The following SNX8 variants were observed in gnomAD, a reference collection of about 807,000 sequenced individuals.
SNX8 encodes the protein sorting nexin-8.
SNX8 carries 25 observed loss-of-function variants against 51.6 expected under a neutral mutation model. The observed-to-expected ratio is 0.48, with a 90% CI of 0.35 to 0.68. The LOEUF is 0.68. Among genes scored for constraint, SNX8 ranks in the 30% least tolerant of loss-of-function variants. The pLI is 0.00. For missense variants in SNX8, 695 were observed against 624.0 expected (o/e 1.11, Z -1.21); for synonymous variants, 324 against 277.0 (o/e 1.17, Z -1.68).
intron 1 of SNX8, among the ~76,000 whole-genome samples, chr7:2,346,737 C>CAAAAAAAAAAAA (rs143462126): frequency 1.1e-4 from 5 of 45,336 alleles, no homozygotes; most frequent in Non-Finnish European, 1.9e-4. Context: ...GACTCCGTCT[C>CAAAAAAAAAAAA]AAAAAAAAAA....
upstream of SNX8, among the ~76,000 whole-genome samples, chr7:2,317,277 TTTTTTTTTTTTTTTTTTTTG>T (rs1796772764): frequency 3.9e-5 from 4 of 101,314 alleles, no homozygotes; most frequent in African/African-American, 1.9e-4. Flanking sequence ...TTTTTTTTTT[TTTTTTTTTTTTTTTTTTTTG>T]AGACAGAGTC....
intron 1 of SNX8, among the ~76,000 whole-genome samples, chr7:2,312,389 C>T (rs1796675797): frequency 1.3e-5 from 2 of 152,188 alleles, no homozygotes; most frequent in South Asian, 4.1e-4. Flanking sequence ...GCATTCCGAT[C>T]CAATCACAGC....
At chr7:2,277,986 C>A in intron 2 of SNX8, 114 bp downstream of exon 2, 1 of 1,464,542 alleles carries the variant, frequency 6.8e-7, no homozygotes, top group Admixed American at 2.3e-5. Context: ...TGTAAGCCAG[C>A]CACACAGACT....
At chr7:2,345,867 G>C (rs1779013177) in intron 1 of SNX8, among the ~76,000 whole-genome samples, 1 of 151,988 alleles carries the variant, frequency 6.6e-6, no homozygotes, top group African/African-American at 2.4e-5. Context: ...AAGTGCAGTG[G>C]CAAGATCTCA....
intron 5 of SNX8, among the ~76,000 whole-genome samples, chr7:2,268,342 C>T (rs1407689775): frequency 2.1e-5 from 3 of 144,930 alleles, no homozygotes; most frequent in Non-Finnish European, 4.6e-5. Context: ...CCCCTCCGCC[C>T]GGCAGCTGCC....
intron 1 of SNX8, among the ~76,000 whole-genome samples, chr7:2,337,899 T>C (rs1057335230): frequency 1.3e-5 from 2 of 148,810 alleles, no homozygotes; most frequent in Admixed American, 6.7e-5. Context: ...AACCATTATA[T>C]CAAAAGCTTA....
chr7:2,252,364 A>T lies in SNX8; in HGVS notation c.*2692T>A, dbSNP rs1261682941. 1 of 152,496 alleles carries T rather than the reference A, an allele frequency of 6.6e-6. No homozygotes were observed. The highest frequency in any genetic ancestry group is 6.5e-5 in the Admixed American group (1 of 15,292). The allele number at this position is 152,496 out of a possible 1,614,324, so 9.4% of individuals were successfully genotyped here. The stretch of plus-strand genomic sequence containing the variant: ...CACCTGCAGCAGTAAGCAGCCTCTC[A>T]GCCCCTGAGCCTGGGGACCTGCCCG... On this transcript the variant is annotated 3_prime_UTR_variant, in exon 11 of 11. Coordinates refer to ENST00000222990, the MANE Select transcript of SNX8 (RefSeq NM_013321.4).
chr7:2,303,963 TAATA>T (rs1039206031), intron 1 of SNX8, among the ~76,000 whole-genome samples: 133 of 141,500 alleles, frequency 9.4e-4, no homozygotes, highest in African/African-American at 3.3e-3. Flanking sequence ...AAAATAATAA[TAATA>T]AATAAAAAAT....
chr7:2,264,808 G>A (rs1221844700), intron 5 of SNX8, among the ~76,000 whole-genome samples: 3 of 152,138 alleles, frequency 2.0e-5, no homozygotes, highest in African/African-American at 7.2e-5. Flanking sequence ...GCTGAGGCAG[G>A]TGGATCACCT....
At chr7:2,268,517 G>A (rs1474393467) in intron 5 of SNX8, among the ~76,000 whole-genome samples, 8 of 142,048 alleles carry the variant, frequency 5.6e-5, no homozygotes, top group Non-Finnish European at 1.1e-4. Flanking sequence ...CAGCCCCCCC[G>A]CCCGGCCAGC....
At chr7:2,267,429 T>C (rs1795495070) in intron 5 of SNX8, among the ~76,000 whole-genome samples, 1 of 133,772 alleles carries the variant, frequency 7.5e-6, no homozygotes, top group Non-Finnish European at 1.7e-5. Flanking sequence ...CCTGCCTGAT[T>C]CTCCTGCCTC....
intron 1 of SNX8, among the ~76,000 whole-genome samples, chr7:2,348,221 T>A (rs1325715623): frequency 6.6e-6 from 1 of 152,100 alleles, no homozygotes; most frequent in Non-Finnish European, 1.5e-5. Context: ...CTGTCCACAG[T>A]TCCTGACACC....
chr7:2,265,027 T>C (rs1011727742), intron 5 of SNX8, among the ~76,000 whole-genome samples: 1 of 151,912 alleles, frequency 6.6e-6, no homozygotes, highest in African/African-American at 2.4e-5. Flanking sequence ...AGAACGAGAC[T>C]CTGTCTCAAA....
chr7:2,319,865 A>G (rs1442705174), intron 1 of SNX8, among the ~76,000 whole-genome samples: 1 of 151,708 alleles, frequency 6.6e-6, no homozygotes, highest in African/African-American at 2.4e-5. Flanking sequence ...CTGTAGTCCC[A>G]GCTACTCAGG....
chr7:2,284,396 C>CTTTTTTTTTTTTTT (rs751803296), intron 1 of SNX8, among the ~76,000 whole-genome samples: 2 of 88,908 alleles, frequency 2.2e-5, no homozygotes, highest in African/African-American at 4.4e-5. Flanking sequence ...CTTTTATTTC[C>CTTTTTTTTTTTTTT]TTTTTTTTTT....
At chr7:2,310,611 C>CA (rs1329914997) in intron 1 of SNX8, among the ~76,000 whole-genome samples, 2 of 151,914 alleles carry the variant, frequency 1.3e-5, no homozygotes, top group Non-Finnish European at 2.9e-5. Context: ...ACTAAAAATA[C>CA]AAAAAATTAG....
chr7:2,343,979 G>C (rs1778977425), intron 1 of SNX8, among the ~76,000 whole-genome samples: 1 of 149,866 alleles, frequency 6.7e-6, no homozygotes. Context: ...GTTTCAGTGA[G>C]CTGAGATCCT....
At position 2,278,260 on chromosome 7, in the gene SNX8, T is replaced by C. The variant is rs1331455048; in HGVS notation, c.140A>G (p.Gln47Arg). The part of the protein sequence containing the change: ...QAIEPQAIVQ[Q>R]VPAPSRMQMP... ...CTGCATTCGACTGGGGGCTGGGACC[T>C]GCTGCACGATGGCCTGGGGCTCGAT... Residue 47 changes from glutamine (Q) to arginine (R), a missense_variant, in exon 2 of 11, where the codon CAG (glutamine) becomes CGG (arginine). Transcript: ENST00000222990. 6.2e-7 allele frequency: 1 copy of C among 1,603,792 alleles called. No homozygotes were observed. The highest frequency in any genetic ancestry group is 8.5e-7 in the Non-Finnish European group (1 of 1,172,518).
chr7:2,306,217 C>G (rs1312776346), intron 1 of SNX8, among the ~76,000 whole-genome samples: 1 of 152,160 alleles, frequency 6.6e-6, no homozygotes, highest in Non-Finnish European at 1.5e-5. Context: ...TCTCAGCTCA[C>G]TGCAACCTCG....
Sources: gnomAD v4.1 joint callset for allele counts (sites outside exome capture counted in the v4.1 genomes callset) on GRCh38, gnomAD v4.1.1 for gene constraint, MANE v1.5 for transcripts, NCBI Gene and HGNC (gene_info 2026-07-23, HGNC 2026-07-21) for gene names.